The following GPRC6A variants were observed in gnomAD, a reference collection of about 807,000 sequenced individuals.
GPRC6A encodes G protein-coupled receptor family C group 6 member A.
Under a neutral mutation model 47.0 loss-of-function variants are expected in GPRC6A, and 54 were observed. That is an observed-to-expected ratio of 1.15 (90% CI 0.92 to 1.44). GPRC6A has a LOEUF of 1.44. Ranked by LOEUF, GPRC6A falls within the 40% of genes most tolerant of loss-of-function variation. GPRC6A has a pLI of 0.00. For missense variants in GPRC6A, 1,112 were observed against 1,105.5 expected, an observed-to-expected ratio of 1.01 and a Z score of -0.08; for synonymous variants, 347 against 377.1, an observed-to-expected ratio of 0.92 and a Z score of 0.93.
At chr6:116,813,270 A>T (rs1219197237) in intron 1 of GPRC6A, among the ~76,000 whole-genome samples, 2 of 152,206 alleles carry the variant, frequency 1.3e-5, no homozygotes, top group South Asian at 4.1e-4. Flanking sequence ...TAAAGTTCAT[A>T]TGGAACCAAA....
At chr6:116,825,831 G>T (rs761766242) in intron 1 of GPRC6A, among the ~76,000 whole-genome samples, 44 of 151,860 alleles carry the variant, frequency 2.9e-4, no homozygotes, top group Non-Finnish European at 5.7e-4. Context: ...AACCAAAACA[G>T]CATGGTATAA....
chr6:116,798,239 A>AG (rs34566335), intron 4 of GPRC6A, among the ~76,000 whole-genome samples: 112,285 of 152,126 alleles, frequency 0.74, 41,667 homozygotes, highest in Middle Eastern at 0.84. Context: ...TTTTTAAATA[A>AG]GTGTCCAGGG....
chr6:116,813,951 A>G (rs1463226116), intron 1 of GPRC6A, among the ~76,000 whole-genome samples: 2 of 152,230 alleles, frequency 1.3e-5, no homozygotes, highest in East Asian at 3.8e-4. Flanking sequence ...AAGGATATGA[A>G]CAGACACTTC....
At chr6:116,823,174 T>G (rs1392179387) in intron 1 of GPRC6A, among the ~76,000 whole-genome samples, 2 of 152,100 alleles carry the variant, frequency 1.3e-5, no homozygotes, top group Non-Finnish European at 2.9e-5. Context: ...CTCCTTCTGT[T>G]TTAAATATAA....
intron 1 of GPRC6A, among the ~76,000 whole-genome samples, chr6:116,825,240 A>G (rs1222289488): frequency 6.6e-6 from 1 of 152,082 alleles, no homozygotes; most frequent in Non-Finnish European, 1.5e-5. Flanking sequence ...GGCCAAAGCA[A>G]TCAGGCAAGA....
At position 116,792,604 on chromosome 6, in the gene GPRC6A, G is replaced by A; in HGVS notation, c.2319C>T (p.Gly773=). The change falls in exon 6 of 6, where the codon GGC becomes GGT. Residue 773 remains glycine, a synonymous_variant. Coordinates refer to ENST00000310357, the MANE Select transcript of GPRC6A (RefSeq NM_148963.4). The stretch of plus-strand genomic sequence containing the variant: ...TGGCTTCATTGTAATTCTCATATTT[G>A]CCTTTGAAAGCAAATATGAAGCAAA... The part of the protein sequence containing the change: ...AFICFIFAFK[G]KYENYNEAKF... 1 of 1,479,118 alleles carries A rather than the reference G, an allele frequency of 6.8e-7. No individual in the cohort carries two copies. The highest frequency in any genetic ancestry group is 9.1e-7 in the Non-Finnish European group (1 of 1,099,326). 91.6% of individuals were successfully genotyped at this position (1,479,118 alleles called of 1,614,324 possible). A position where few individuals can be genotyped will look rare whatever the true frequency, so the allele number is the denominator to read the frequency against.
chr6:116,807,360 T>C (rs557522490), intron 2 of GPRC6A, among the ~76,000 whole-genome samples, 154 bp from the exon 3 acceptor site: 4 of 152,314 alleles, frequency 2.6e-5, no homozygotes, highest in Admixed American at 6.5e-5. Flanking sequence ...CCCCTGATGA[T>C]GGTTTAGAAT....
In GPRC6A at chr6:116,795,719, A is replaced by T. The variant is rs1161722174; in HGVS notation, c.1665T>A (p.Asn555Lys). 6.2e-7 allele frequency: 1 copy of T among 1,609,432 alleles called. No homozygotes were observed. The highest frequency in any genetic ancestry group is 8.5e-7 in the Non-Finnish European group (1 of 1,176,986). Residue 555 changes from asparagine to lysine, a missense_variant, in exon 5 of 6, where the codon AAT (asparagine) becomes AAA (lysine). Transcript: ENST00000310357. Reference protein sequence around the residue: ...CQNCPENHYTNQTDMPHCLLC... With the variant: ...CQNCPENHYTKQTDMPHCLLC... Reference sequence around the variant, plus strand: ...TGGAGTGACTGTGATTACCTGTCTGATTAGTGTAATGATTTTCAGGACAGT... The same window carrying T: ...TGGAGTGACTGTGATTACCTGTCTGTTTAGTGTAATGATTTTCAGGACAGT...
intron 1 of GPRC6A, among the ~76,000 whole-genome samples, chr6:116,819,124 A>G (rs1218117179): frequency 1.3e-5 from 2 of 152,182 alleles, no homozygotes; most frequent in Non-Finnish European, 2.9e-5. Context: ...CCATTACATA[A>G]TGGTAAAGGG....
intron 1 of GPRC6A, among the ~76,000 whole-genome samples, chr6:116,813,441 A>G (rs1222214562): frequency 6.6e-6 from 1 of 152,212 alleles, no homozygotes; most frequent in Non-Finnish European, 1.5e-5. Context: ...CAGCGGCCTC[A>G]GGAATAATAC....
chr6:116,803,628 C>G (rs1365691771), intron 3 of GPRC6A, among the ~76,000 whole-genome samples: 1 of 152,080 alleles, frequency 6.6e-6, no homozygotes, highest in African/African-American at 2.4e-5. Context: ...ATGTCTTTCA[C>G]TCACTCATTC....
At chr6:116,823,404 A>T (rs1289424403) in intron 1 of GPRC6A, among the ~76,000 whole-genome samples, 1 of 152,090 alleles carries the variant, frequency 6.6e-6, no homozygotes, top group Non-Finnish European at 1.5e-5. Flanking sequence ...CCAGTTCCTA[A>T]TAAGTTCCTC....
chr6:116,824,142 G>A lies in GPRC6A; in HGVS notation c.194+4678C>T, dbSNP rs886246272. On this transcript the variant is annotated intron_variant, in intron 1 of 5. Coordinates refer to ENST00000310357, the MANE Select transcript of GPRC6A (RefSeq NM_148963.4). ...GTATATAGCAATGAACATCTACAAC[G>A]AAAAAGAAGAAAGATTTCAAATAAC... Among the ~76,000 whole-genome samples the A allele has an allele frequency of 3.3e-5, 5 of 151,652 alleles. No homozygotes were observed. In the South Asian group the frequency reaches 8.3e-4, roughly 25 times the overall value.
intron 2 of GPRC6A, among the ~76,000 whole-genome samples, chr6:116,807,453 C>T (rs1248253957): frequency 1.3e-5 from 2 of 152,120 alleles, no homozygotes; most frequent in Non-Finnish European, 2.9e-5. Context: ...ATTTACACGT[C>T]TATATTCTTC....
intron 1 of GPRC6A, among the ~76,000 whole-genome samples, chr6:116,819,957 G>A (rs535986036): frequency 0.025 from 3,700 of 148,798 alleles, 117 homozygotes; most frequent in African/African-American, 0.078. Context: ...TTGATAGACC[G>A]CTAGCAAGAC....
At chr6:116,793,775 A>G (rs942527203) in intron 5 of GPRC6A, among the ~76,000 whole-genome samples, 14 of 152,218 alleles carry the variant, frequency 9.2e-5, no homozygotes, top group Non-Finnish European at 1.5e-4. Context: ...TGCTTCACAC[A>G]GACCATTACA....
At chr6:116,795,623 A>G (rs895909082) in intron 5 of GPRC6A, 89 bp downstream of exon 5, 44 of 1,132,900 alleles carry the variant, frequency 3.9e-5, no homozygotes, top group Non-Finnish European at 4.9e-5. Flanking sequence ...AATTTTTTCA[A>G]ATGAAAAACA....
intron 1 of GPRC6A, among the ~76,000 whole-genome samples, chr6:116,811,230 C>T (rs1773013293): frequency 6.6e-6 from 1 of 152,150 alleles, no homozygotes; most frequent in Non-Finnish European, 1.5e-5. Context: ...AACTACACTA[C>T]TACTGCAACC....
intron 1 of GPRC6A, among the ~76,000 whole-genome samples, chr6:116,820,280 A>G (rs1048369481): frequency 6.6e-6 from 1 of 152,216 alleles, no homozygotes; most frequent in Admixed American, 6.5e-5. Flanking sequence ...AGCAGAGGTA[A>G]AAGGAGGAAC....
Sources: gnomAD v4.1 joint callset for allele counts (sites outside exome capture counted in the v4.1 genomes callset) on GRCh38, gnomAD v4.1.1 for gene constraint, MANE v1.5 for transcripts, NCBI Gene and HGNC (gene_info 2026-07-23, HGNC 2026-07-21) for gene names.